The following RSRC1 variants were observed in gnomAD, a reference collection of about 807,000 sequenced individuals.
The protein encoded by RSRC1 is arginine and serine rich coiled-coil 1.
In RSRC1, 39 loss-of-function variants were observed where a neutral mutation model predicts 49.1. The ratio of observed to expected loss-of-function variants is 0.79; its 90% confidence interval spans 0.61 to 1.04. RSRC1 has a LOEUF of 1.04. Ranked by LOEUF, RSRC1 falls within the 50% of genes least tolerant of loss-of-function variation. The pLI is 0.00. For missense variants in RSRC1, 388 were observed against 402.4 expected (o/e 0.96, Z 0.31); for synonymous variants, 143 against 130.8 (o/e 1.09, Z -0.63).
intron 3 of RSRC1, among the ~76,000 whole-genome samples, chr3:158,124,636 A>T (rs976841798): frequency 7.9e-5 from 12 of 151,848 alleles, no homozygotes; most frequent in African/African-American, 2.9e-4. Flanking sequence ...TTCCTTCATG[A>T]TTCAGTCTTG....
At chr3:158,448,457 T>A (rs928635827) in intron 6 of RSRC1, among the ~76,000 whole-genome samples, 2 of 151,910 alleles carry the variant, frequency 1.3e-5, no homozygotes, top group Admixed American at 6.6e-5. Flanking sequence ...AAGATACATA[T>A]AAGCAAAAGG....
intron 3 of RSRC1, among the ~76,000 whole-genome samples, chr3:158,197,985 G>T (rs1469536296): frequency 6.6e-6 from 1 of 152,144 alleles, no homozygotes; most frequent in African/African-American, 2.4e-5. Flanking sequence ...GGGGTGGAGA[G>T]TTCTGTAGAT....
At chr3:158,268,823 G>A (rs2108050707) in intron 4 of RSRC1, among the ~76,000 whole-genome samples, 1 of 152,188 alleles carries the variant, frequency 6.6e-6, no homozygotes, top group South Asian at 2.1e-4. Flanking sequence ...TTATACTAAA[G>A]TTTAAATTTA....
At chr3:158,242,009 CTTTG>C (rs1179470549) in intron 4 of RSRC1, among the ~76,000 whole-genome samples, 5 of 28,770 alleles carry the variant, frequency 1.7e-4, no homozygotes, top group East Asian at 2.1e-3. Context: ...CATTTTCATT[CTTTG>C]TTTTTCTTAA....
intron 7 of RSRC1, among the ~76,000 whole-genome samples, chr3:158,513,392 G>A (rs1424775628): frequency 6.6e-6 from 1 of 152,132 alleles, no homozygotes; most frequent in Non-Finnish European, 1.5e-5. Context: ...TTTTGCCTTT[G>A]GTTCTGTTTA....
At chr3:158,200,899 G>A (rs974772927) in intron 3 of RSRC1, among the ~76,000 whole-genome samples, 29 of 151,900 alleles carry the variant, frequency 1.9e-4, no homozygotes, top group African/African-American at 6.8e-4. Context: ...ATAAATTAAG[G>A]GAAATAAGCA....
intron 7 of RSRC1, among the ~76,000 whole-genome samples, chr3:158,497,113 G>C (rs1404227633): frequency 1.3e-5 from 2 of 152,120 alleles, no homozygotes; most frequent in Non-Finnish European, 1.5e-5. Context: ...CAGTTCAGTA[G>C]TGTTATGTAT....
chr3:158,349,075 C>CTT (rs142512984), intron 5 of RSRC1, among the ~76,000 whole-genome samples: 14,565 of 150,766 alleles, frequency 0.097, 2,354 homozygotes, highest in African/African-American at 0.34. Context: ...AGAATGATCT[C>CTT]TTTTTTTTTG....
intron 4 of RSRC1, among the ~76,000 whole-genome samples, chr3:158,289,616 G>A (rs1445296726): frequency 6.6e-6 from 1 of 152,076 alleles, no homozygotes; most frequent in East Asian, 1.9e-4. Context: ...CTGAACTATA[G>A]TAACATAAGA....
At chr3:158,437,600 T>C (rs575763723) in intron 6 of RSRC1, among the ~76,000 whole-genome samples, 16 of 152,150 alleles carry the variant, frequency 1.1e-4, no homozygotes, top group Admixed American at 5.2e-4. Context: ...AGGCCTTCAA[T>C]AAAATTCAAC....
chr3:158,226,789 T>G (rs565622740), intron 4 of RSRC1, among the ~76,000 whole-genome samples: 1 of 152,030 alleles, frequency 6.6e-6, no homozygotes, highest in African/African-American at 2.4e-5. Flanking sequence ...CAGAGTTTCA[T>G]CTTTTTAGAC....
chr3:158,195,804 T>C (rs541601656), intron 3 of RSRC1, among the ~76,000 whole-genome samples: 66 of 152,322 alleles, frequency 4.3e-4, no homozygotes, highest in African/African-American at 1.5e-3. Context: ...CATCAGATAG[T>C]TGTAGATATG....
At chr3:158,384,186 T>A (rs544432294) in intron 6 of RSRC1, among the ~76,000 whole-genome samples, 6 of 152,104 alleles carry the variant, frequency 3.9e-5, no homozygotes, top group African/African-American at 1.4e-4. Flanking sequence ...ACATAATGAA[T>A]CAGGAACAGG....
intron 3 of RSRC1, among the ~76,000 whole-genome samples, chr3:158,129,292 T>C (rs112619743): frequency 1.1e-3 from 119 of 105,880 alleles, no homozygotes; most frequent in African/African-American, 3.3e-3. Context: ...TTCTTTCTTT[T>C]TTTTTTTTTT....
chr3:158,159,120 TGGCCTGA>T (rs537824081), intron 3 of RSRC1, among the ~76,000 whole-genome samples: 24 of 152,238 alleles, frequency 1.6e-4, no homozygotes, highest in African/African-American at 5.8e-4. Context: ...TTGGCTGGCC[TGGCCTGA>T]GATTCTAGGA....
intron 6 of RSRC1, among the ~76,000 whole-genome samples, chr3:158,364,913 G>C (rs1472605219): frequency 6.6e-6 from 1 of 150,700 alleles, no homozygotes; most frequent in East Asian, 1.9e-4. Flanking sequence ...ATTGGGAATG[G>C]GAATTATAAT....
At chr3:158,176,410 G>A (rs913623274) in intron 3 of RSRC1, among the ~76,000 whole-genome samples, 5 of 152,078 alleles carry the variant, frequency 3.3e-5, no homozygotes, top group Non-Finnish European at 7.4e-5. Context: ...TATACTACAA[G>A]GCTACAGTAA....
intron 3 of RSRC1, among the ~76,000 whole-genome samples, chr3:158,135,643 G>A (rs531561258): frequency 6.6e-6 from 1 of 151,070 alleles, no homozygotes; most frequent in South Asian, 2.1e-4. Context: ...TTCTTCACAT[G>A]GTAGCCAAAA....
intron 5 of RSRC1, among the ~76,000 whole-genome samples, chr3:158,313,086 A>G (rs1218153364): frequency 6.6e-6 from 1 of 152,022 alleles, no homozygotes; most frequent in South Asian, 2.1e-4. Context: ...AAAATATGGT[A>G]TACCAACAAC....
Sources: allele counts gnomAD v4.1 joint callset (sites outside exome capture counted in the v4.1 genomes callset), GRCh38; gene constraint gnomAD v4.1.1; transcripts MANE v1.5; gene names NCBI Gene and HGNC (gene_info 2026-07-23, HGNC 2026-07-21).